Variants in GGT5 observed in about 807,000 individuals in gnomAD.
GGT5 encodes gamma-glutamyltransferase 5, also known as glutathione hydrolase 5 proenzyme.
In GGT5, 50 loss-of-function variants were observed where a neutral mutation model predicts 58.1. That is an observed-to-expected ratio of 0.86 (90% CI 0.69 to 1.09). The LOEUF is 1.09. Among genes scored for constraint, GGT5 ranks in the 50% least tolerant of loss-of-function variants. The pLI is 0.00. For missense variants in GGT5, 800 were observed against 789.4 expected (o/e 1.01, Z -0.16); for synonymous variants, 370 against 346.1 (o/e 1.07, Z -0.77).
intron 4 of GGT5, 83 bp from the exon 5 acceptor site, chr22:24,232,291 C>T: frequency 4.1e-6 from 3 of 732,822 alleles, no homozygotes; most frequent in Non-Finnish European, 6.5e-6. Context: ...GTGGAGTCCT[C>T]AGGACCCTAC....
At position 24,225,119 on chromosome 22, in the gene GGT5, T is replaced by A. The variant is rs777378390; in HGVS notation, c.1504-13A>T. The A allele has an allele frequency of 4.4e-6, 7 of 1,598,634 alleles. No homozygotes were observed. Among genetic ancestry groups the A allele is most frequent in the South Asian group, 2.2e-5 (2 of 89,704 alleles). ...TGCTCATGATGGCCTGGGGGAGAGATGAGGGTTTCAGGGAGAAAGGGGGCA... is the reference window on the plus strand; with the variant it reads ...TGCTCATGATGGCCTGGGGGAGAGAAGAGGGTTTCAGGGAGAAAGGGGGCA... On this transcript the variant is annotated splice_polypyrimidine_tract_variant and intron_variant, in intron 10 of 11. Coordinates refer to ENST00000327365, the MANE Select transcript of GGT5 (RefSeq NM_004121.5).
At chr22:24,228,554 C>T (rs1455630921) in intron 6 of GGT5, among the ~76,000 whole-genome samples, 1 of 151,624 alleles carries the variant, frequency 6.6e-6, no homozygotes, top group Admixed American at 6.6e-5. Flanking sequence ...GGGTTCACAC[C>T]ATTCTCCTGC....
At chr22:24,233,667 C>T (rs1248453192) in intron 2 of GGT5, 74 bp from the exon 3 acceptor site, 2 of 934,752 alleles carry the variant, frequency 2.1e-6, no homozygotes, top group African/African-American at 3.3e-5. Flanking sequence ...GCCTCAGTTT[C>T]CATCTCTGCA....
Position 24,244,291 on chromosome 22 carries a change from A to G in GGT5, c.173+262T>C. 7.4e-6 allele frequency: 3 copies of G among 403,932 alleles called. No individual in the cohort carries two copies. In the South Asian group the frequency reaches 1.0e-4, roughly 14 times the overall value. The allele number at this position is 403,932 out of a possible 1,614,324, so 25.0% of individuals were successfully genotyped here. On this transcript the variant is annotated intron_variant, in intron 1 of 11. Transcript: ENST00000327365. The stretch of plus-strand genomic sequence containing the variant: ...CGGCTCCTGCTTCCTGGGCCAGTGC[A>G]CGTGCACACACACACACACACACAC...
At chr22:24,238,784 ATATTATATATTT>A (rs2048185042) in intron 1 of GGT5, among the ~76,000 whole-genome samples, 2 of 20,578 alleles carry the variant, frequency 9.7e-5, no homozygotes, top group South Asian at 1.5e-3. Context: ...TATATAATAT[ATATTATATATTT>A]ATATATATAT....
At chr22:24,243,448 G>C (rs2148958863) in intron 1 of GGT5, 1 of 152,234 alleles carries the variant, frequency 6.6e-6, no homozygotes, top group East Asian at 1.9e-4. Flanking sequence ...GGCAGGGAAG[G>C]ATGGACAGAT....
At position 24,244,634 on chromosome 22, in the gene GGT5, C is replaced by T. The variant is rs760699269; in HGVS notation, c.92G>A (p.Arg31Gln). The T allele has an allele frequency of 2.4e-5, 39 of 1,612,696 alleles. 1 individual carries two copies. In the Middle Eastern group the frequency reaches 5.6e-4, roughly 23 times the overall value. ...AVIVLAVVLS[R>Q]HQAPCGPQAF... Reference sequence around the variant, plus strand: ...CTGGGGGCCACATGGGGCCTGGTGTCGAGAGAGGACCACAGCCAGCACAAT... The same window carrying T: ...CTGGGGGCCACATGGGGCCTGGTGTTGAGAGAGGACCACAGCCAGCACAAT... Residue 31 changes from arginine (R) to glutamine (Q), a missense_variant, in exon 1 of 12, where the codon CGA becomes CAA. Transcript: ENST00000327365.
At chr22:24,232,021 GA>G (rs1319589045) in intron 5 of GGT5, 29 bp downstream of exon 5, 2 of 1,594,192 alleles carry the variant, frequency 1.3e-6, no homozygotes, top group African/African-American at 2.7e-5. Flanking sequence ...CTCCAGCAGG[GA>G]TGGGGTATGG....
intron 11 of GGT5, among the ~76,000 whole-genome samples, chr22:24,222,125 G>C (rs1302549961): frequency 1.3e-5 from 2 of 152,044 alleles, no homozygotes; most frequent in Non-Finnish European, 1.5e-5. Flanking sequence ...GTTGCAATAA[G>C]CTGAGATCGC....
intron 1 of GGT5, chr22:24,244,344 C>G (rs1254243089): frequency 6.9e-6 from 4 of 580,572 alleles, no homozygotes; most frequent in African/African-American, 5.6e-5. Flanking sequence ...TACCCACACA[C>G]AATCACACAC....
chr22:24,222,931 G>A (rs943361527), intron 11 of GGT5, among the ~76,000 whole-genome samples: 1 of 152,012 alleles, frequency 6.6e-6, no homozygotes, highest in Non-Finnish European at 1.5e-5. Flanking sequence ...CAAAAAATTA[G>A]CCGAGCGTGG....
intron 5 of GGT5, 132 bp from the exon 6 acceptor site, chr22:24,231,662 T>C: frequency 1.1e-6 from 1 of 925,136 alleles, no homozygotes; most frequent in Non-Finnish European, 1.6e-6. Flanking sequence ...ATGGTAGGTC[T>C]GTAGGCAGTG....
chr22:24,238,844 TATTA>T (rs2048211161), intron 1 of GGT5, among the ~76,000 whole-genome samples: 1 of 13,532 alleles, frequency 7.4e-5, no homozygotes, highest in African/African-American at 4.0e-4. Flanking sequence ...TATATATATA[TATTA>T]TATATATTAT....
intron 1 of GGT5, among the ~76,000 whole-genome samples, chr22:24,235,288 C>T (rs930624911): frequency 6.6e-6 from 1 of 152,178 alleles, no homozygotes; most frequent in Non-Finnish European, 1.5e-5. Flanking sequence ...AAACTCCCGA[C>T]ATCAGATGAT....
At chr22:24,228,081 A>AAAAAAAAAAC (rs2047829885) in intron 6 of GGT5, among the ~76,000 whole-genome samples, 2 of 146,972 alleles carry the variant, frequency 1.4e-5, no homozygotes, top group African/African-American at 5.0e-5. Flanking sequence ...ACAAAAAAAA[A>AAAAAAAAAAC]AAAACTCTGA....
intron 1 of GGT5, chr22:24,242,190 C>A (rs1267144006): frequency 6.6e-6 from 1 of 152,196 alleles, no homozygotes; most frequent in Non-Finnish European, 1.5e-5. Context: ...CACCATGCTC[C>A]TTTTGTATGT....
chr22:24,237,616 C>T (rs566758068), intron 1 of GGT5, among the ~76,000 whole-genome samples: 15 of 151,980 alleles, frequency 9.9e-5, no homozygotes, highest in Non-Finnish European at 1.5e-4. Flanking sequence ...ACTGTGTTGG[C>T]CAGGCTGGTC....
rs371817146 is a variant in GGT5, at chr22:24,220,564, C to T, written c.1615-448G>A. The stretch of plus-strand genomic sequence containing the variant: ...GCCAGGAGTTTGAGACCAGCCTGGG[C>T]AATGCAGCAAGATCCTGTTTCTAAA... On this transcript the variant is annotated intron_variant, in intron 11 of 11. Transcript: ENST00000327365. 331 of 455,604 alleles carry T rather than the reference C, an allele frequency of 7.3e-4. 1 individual carries two copies. The highest frequency in any genetic ancestry group is 5.9e-3 in the African/African-American group (297 of 50,006). The allele number at this position is 455,604 out of a possible 1,614,324, so 28.2% of individuals were successfully genotyped here. A position where few individuals can be genotyped will look rare whatever the true frequency, so the allele number is the denominator to read the frequency against.
At chr22:24,239,114 T>C (rs544417711) in intron 1 of GGT5, among the ~76,000 whole-genome samples, 1 of 136,114 alleles carries the variant, frequency 7.3e-6, no homozygotes, top group African/African-American at 2.8e-5. Flanking sequence ...CCGAGGCGGG[T>C]GTATCATGAG....
Sources: allele counts gnomAD v4.1 joint callset (sites outside exome capture counted in the v4.1 genomes callset), GRCh38; gene constraint gnomAD v4.1.1; transcripts MANE v1.5; gene names NCBI Gene and HGNC (gene_info 2026-07-23, HGNC 2026-07-21).